The following WDR17 variants were observed in gnomAD, a reference collection of about 807,000 sequenced individuals.
The protein encoded by WDR17 is WD repeat-containing protein 17.
A neutral mutation model predicts 161.7 loss-of-function variants in WDR17; 143 were observed. That is an observed-to-expected ratio of 0.88 (90% CI 0.77 to 1.02). The LOEUF (loss-of-function observed/expected upper bound fraction) is 1.02. WDR17 is among the 50% of genes least tolerant of loss of function. The probability of loss-of-function intolerance (pLI) is 0.00; values close to 1 mark genes in which losing one functional copy is unlikely to be tolerated. For missense variants in WDR17, 1,469 were observed against 1,520.9 expected (o/e 0.97, Z 0.57); for synonymous variants, 517 against 515.6 (o/e 1.00, Z -0.04).
At chr4:176,144,844 A>C (rs1745908252) in intron 11 of WDR17, among the ~76,000 whole-genome samples, 1 of 152,004 alleles carries the variant, frequency 6.6e-6, no homozygotes, top group Non-Finnish European at 1.5e-5. Context: ...TTAAATCTTT[A>C]TGATATCATT....
chr4:176,152,001 A>G, intron 17 of WDR17, 34 bp downstream of exon 17: 3 of 1,589,800 alleles, frequency 1.9e-6, no homozygotes, highest in Non-Finnish European at 2.6e-6. Context: ...TAATGAGTTT[A>G]ACATAGTAGT....
chr4:176,132,736 A>G (rs1175237602), intron 7 of WDR17, among the ~76,000 whole-genome samples: 2 of 151,970 alleles, frequency 1.3e-5, no homozygotes, highest in South Asian at 4.1e-4. Flanking sequence ...TTCTTTTTAT[A>G]TAAACTCTTT....
Position 176,162,058 on chromosome 4 carries a change from C to G in WDR17, c.2751-17C>G, listed in dbSNP as rs771791450. 1.4e-5 allele frequency: 22 copies of G among 1,596,008 alleles called. No individual in the cohort carries two copies. The highest frequency in any genetic ancestry group is 1.9e-5 in the Non-Finnish European group (22 of 1,170,990). On this transcript the variant is annotated splice_polypyrimidine_tract_variant and intron_variant, in intron 20 of 28. Transcript: ENST00000508596. ...AATACTTGTGTTTATATAGAATACA[C>G]ATTTTTTTCTTTCTAGACTCCTGCA... is the stretch of plus-strand genomic sequence containing the variant.
intron 5 of WDR17, among the ~76,000 whole-genome samples, chr4:176,127,868 T>C (rs1742713328): frequency 6.6e-6 from 1 of 152,210 alleles, no homozygotes; most frequent in Admixed American, 6.5e-5. Context: ...GTGGACTTGC[T>C]TCTTCTGGAC....
chr4:176,099,554 A>T (rs1351654107), intron 1 of WDR17, among the ~76,000 whole-genome samples: 1 of 152,112 alleles, frequency 6.6e-6, no homozygotes, highest in Non-Finnish European at 1.5e-5. Flanking sequence ...CACTTAAATT[A>T]CACTAGAGCA....
At chr4:176,087,100 T>G (rs935117643) in intron 1 of WDR17, among the ~76,000 whole-genome samples, 1 of 151,982 alleles carries the variant, frequency 6.6e-6, no homozygotes, top group Non-Finnish European at 1.5e-5. Context: ...TCATTTTGTA[T>G]AGTTAATATT....
At chr4:176,070,394 C>T (rs1733066631) in intron 1 of WDR17, among the ~76,000 whole-genome samples, 2 of 152,050 alleles carry the variant, frequency 1.3e-5, no homozygotes, top group African/African-American at 2.4e-5. Context: ...GTAATACAGC[C>T]CTTTACTTAG....
chr4:176,084,134 T>C (rs182503509), intron 1 of WDR17, among the ~76,000 whole-genome samples: 15 of 152,160 alleles, frequency 9.9e-5, no homozygotes, highest in Admixed American at 5.9e-4. Context: ...TGAATGCAAG[T>C]GTTTTAGTCT....
intron 4 of WDR17, among the ~76,000 whole-genome samples, chr4:176,120,468 G>C (rs925180501): frequency 1.3e-5 from 2 of 151,868 alleles, no homozygotes; most frequent in African/African-American, 4.8e-5. Flanking sequence ...TAGAGGATGT[G>C]ATGGTTTACT....
intron 22 of WDR17, among the ~76,000 whole-genome samples, chr4:176,166,848 T>A (rs966159858): frequency 2.0e-5 from 3 of 152,146 alleles, no homozygotes; most frequent in African/African-American, 4.8e-5. Context: ...TGGAAAGATA[T>A]TATGTGTAAT....
At chr4:176,130,989 A>G (rs1743350817) in intron 6 of WDR17, among the ~76,000 whole-genome samples, 1 of 152,168 alleles carries the variant, frequency 6.6e-6, no homozygotes, top group African/African-American at 2.4e-5. Flanking sequence ...TATAAACAGT[A>G]AAAAGAAAAA....
chr4:176,083,754 A>G (rs1735055501), intron 1 of WDR17, among the ~76,000 whole-genome samples: 1 of 152,126 alleles, frequency 6.6e-6, no homozygotes, highest in Non-Finnish European at 1.5e-5. Context: ...GATTCGGCCA[A>G]TGAGTTGTCC....
intron 17 of WDR17, among the ~76,000 whole-genome samples, chr4:176,155,381 A>G (rs1185965353): frequency 6.6e-6 from 1 of 151,738 alleles, no homozygotes; most frequent in African/African-American, 2.4e-5. Flanking sequence ...TAGCAATAAA[A>G]AATAAATATT....
chr4:176,094,287 A>G (rs1039794882), intron 1 of WDR17, among the ~76,000 whole-genome samples: 1 of 152,176 alleles, frequency 6.6e-6, no homozygotes, highest in Non-Finnish European at 1.5e-5. Context: ...GCATGTGCCA[A>G]TTCACTCAAC....
rs774091462 is a variant in WDR17 at position 176,179,445 on chromosome 4, A to T, written c.3733-15A>T. 2 of 1,508,944 alleles carry T rather than the reference A, an allele frequency of 1.3e-6. No homozygotes were observed. Among genetic ancestry groups the T allele is most frequent in the Non-Finnish European group, 1.8e-6 (2 of 1,129,648 alleles). The allele number at this position is 1,508,944 out of a possible 1,614,324, so 93.5% of individuals were successfully genotyped here. ...TATAATCTCATCTTCTCTTTCCTCA[A>T]CTCTCACTGTGCAGGGCCCTGTGTT... On this transcript the variant is annotated splice_polypyrimidine_tract_variant and intron_variant, in intron 28 of 28. Transcript: ENST00000508596.
chr4:176,159,908 T>A, intron 18 of WDR17, 86 bp from the exon 19 acceptor site: 1 of 1,315,368 alleles, frequency 7.6e-7, no homozygotes, highest in Non-Finnish European at 1.0e-6. Flanking sequence ...CTGCTACAAA[T>A]TTTAGCCATA....
intron 8 of WDR17, 99 bp downstream of exon 8, chr4:176,135,375 C>A: frequency 7.3e-7 from 1 of 1,374,084 alleles, no homozygotes; most frequent in Non-Finnish European, 1.0e-6. Flanking sequence ...TCATCTTGTT[C>A]TAAATGAATG....
intron 1 of WDR17, among the ~76,000 whole-genome samples, chr4:176,106,293 TA>T (rs1281314303): frequency 6.6e-6 from 1 of 151,578 alleles, no homozygotes; most frequent in Non-Finnish European, 1.5e-5. Flanking sequence ...AATTTATATA[TA>T]AATATAAAAT....
chr4:176,151,531 T>G (rs2126818009), intron 16 of WDR17, among the ~76,000 whole-genome samples: 1 of 152,340 alleles, frequency 6.6e-6, no homozygotes, highest in East Asian at 1.9e-4. Context: ...TCATCTGTTA[T>G]CATGAACTCT....
Sources: allele counts gnomAD v4.1 joint callset (sites outside exome capture counted in the v4.1 genomes callset), GRCh38; gene constraint gnomAD v4.1.1; transcripts MANE v1.5; gene names NCBI Gene and HGNC (gene_info 2026-07-23, HGNC 2026-07-21).